The following VPS41 variants were observed in gnomAD, a reference collection of about 807,000 sequenced individuals.
VPS41 encodes the protein VPS41 subunit of HOPS complex, also known as vacuolar protein sorting-associated protein 41 homolog.
In VPS41, 85 loss-of-function variants were observed where a neutral mutation model predicts 130.9. The ratio of observed to expected loss-of-function variants is 0.65; its 90% CI spans 0.55 to 0.78. The LOEUF (loss-of-function observed/expected upper bound fraction) is 0.78, where lower values mean the gene tolerates loss of function less well. Among genes scored for constraint, VPS41 ranks in the 30% least tolerant of loss-of-function variants. The pLI, the probability that VPS41 is intolerant of heterozygous loss-of-function variation, is 0.00. For synonymous variants in VPS41, 335 were observed against 332.9 expected (o/e 1.01, Z -0.07); for missense variants, 874 against 1,018.7 (o/e 0.86, Z 1.93).
At chr7:38,737,354 G>A (rs1341543150) in intron 25 of VPS41, among the ~76,000 whole-genome samples, 3 of 152,072 alleles carry the variant, frequency 2.0e-5, no homozygotes, top group South Asian at 2.1e-4. Flanking sequence ...CCTGGCGACA[G>A]AGCAAGACTC....
intron 9 of VPS41, among the ~76,000 whole-genome samples, chr7:38,790,203 C>T (rs1174526796): frequency 1.3e-5 from 2 of 152,048 alleles, no homozygotes; most frequent in African/African-American, 2.4e-5. Flanking sequence ...ATAGCTGCTA[C>T]CATTAACTGT....
At chr7:38,734,498 C>T (rs1049381207) in intron 25 of VPS41, among the ~76,000 whole-genome samples, 1 of 152,180 alleles carries the variant, frequency 6.6e-6, no homozygotes, top group Non-Finnish European at 1.5e-5. Flanking sequence ...ATTTACAACA[C>T]GACTGTTGAA....
chr7:38,744,045 G>A (rs960500962), intron 23 of VPS41, among the ~76,000 whole-genome samples: 1 of 152,120 alleles, frequency 6.6e-6, no homozygotes, highest in Non-Finnish European at 1.5e-5. Context: ...CTGCTTTTCT[G>A]ATACACTTTG....
chr7:38,844,970 C>T (rs760602615), intron 4 of VPS41, among the ~76,000 whole-genome samples: 8 of 152,164 alleles, frequency 5.3e-5, no homozygotes, highest in Admixed American at 6.5e-5. Flanking sequence ...GGCAGGGGCA[C>T]GGAACGGCCT....
At chr7:38,754,807 C>A in intron 20 of VPS41, 55 bp from the exon 21 acceptor site, 1 of 1,590,102 alleles carries the variant, frequency 6.3e-7, no homozygotes. Context: ...AAGACAGCTA[C>A]AAAATTATCT....
chr7:38,789,017 A>G lies in VPS41; in HGVS notation c.784+784T>C, dbSNP rs543399000. Among the ~76,000 whole-genome samples, 19 of 152,328 alleles carry G rather than the reference A, an allele frequency of 1.2e-4. No individual in the cohort carries two copies. In the South Asian group the frequency reaches 3.9e-3, roughly 32 times the overall value. On this transcript the variant is annotated intron_variant, in intron 10 of 28. Transcript: ENST00000310301. ...AAATGAACTTTTCAGCTGACTCATA[A>G]TATGGCAATTTTTTTTCTCAGATTA...
intron 2 of VPS41, among the ~76,000 whole-genome samples, chr7:38,881,208 G>C (rs929098410): frequency 6.6e-6 from 1 of 152,318 alleles, no homozygotes; most frequent in Middle Eastern, 3.4e-3. Flanking sequence ...CCTGGAAGCT[G>C]GGGGGAGAAT....
chr7:38,748,773 C>A (rs1796037448), intron 22 of VPS41, among the ~76,000 whole-genome samples: 1 of 151,892 alleles, frequency 6.6e-6, no homozygotes, highest in African/African-American at 2.4e-5. Context: ...ACTTTTTAAA[C>A]CTGAAAATGA....
intron 10 of VPS41, 36 bp from the exon 11 acceptor site, chr7:38,776,812 A>G: frequency 8.4e-7 from 1 of 1,188,144 alleles, no homozygotes; most frequent in Non-Finnish European, 1.3e-6. Context: ...CATCATCAAC[A>G]GGGGCAAACA....
chr7:38,728,958 G>T (rs1795604001), intron 25 of VPS41, among the ~76,000 whole-genome samples, 167 bp from the exon 26 acceptor site: 1 of 152,130 alleles, frequency 6.6e-6, no homozygotes, highest in African/African-American at 2.4e-5. Flanking sequence ...ACCACTGCCA[G>T]GCTGACCTGG....
rs539981539 is a variant in VPS41, at chr7:38,909,164, G to A, written c.11C>T (p.Ala4Val). The part of the protein sequence containing the change: MAE[A>V]EEQETGSLEE... The stretch of plus-strand genomic sequence containing the variant: ...ACCTGCACCCTTTACCTGCTCCTCT[G>A]CTTCCGCCATGGCGCCACGGGAGAG... Residue 4 changes from alanine to valine, a missense_variant, in exon 1 of 29, where the codon GCA becomes GTA. Physicochemically the swap from Ala to Val is moderately conservative, Grantham distance 64. Transcript: ENST00000310301. The A allele has an allele frequency of 6.2e-7, 1 of 1,614,128 alleles. No homozygotes were observed. The highest frequency in any genetic ancestry group is 1.3e-5 in the African/African-American group (1 of 74,998).
At chr7:38,746,427 A>G (rs1795986070) in intron 22 of VPS41, among the ~76,000 whole-genome samples, 1 of 152,148 alleles carries the variant, frequency 6.6e-6, no homozygotes, top group East Asian at 1.9e-4. Context: ...AGAGGAAAAC[A>G]AAGAAGAGAA....
chr7:38,892,989 T>C lies in VPS41; in HGVS notation c.60+5102A>G, dbSNP rs143799664. ...AGGCCTCTACACTCCTCCTATCTCT[T>C]ATGGGGACTTCCATGAGAACCACGC... On this transcript the variant is annotated intron_variant, in intron 2 of 28. Coordinates refer to ENST00000310301, the MANE Select transcript of VPS41 (RefSeq NM_014396.4). 5.1e-3 allele frequency among the ~76,000 whole-genome samples: 778 copies of C among 152,258 alleles called. 6 individuals are homozygous for C. The highest frequency in any genetic ancestry group is 0.017 in the African/African-American group (700 of 41,550).
intron 2 of VPS41, among the ~76,000 whole-genome samples, chr7:38,870,586 C>T (rs1394883010): frequency 1.8e-4 from 28 of 151,636 alleles, no homozygotes; most frequent in Admixed American, 1.8e-3. Context: ...TTTTCATGTA[C>T]AGTACTAAGG....
At chr7:38,825,855 T>G (rs1405891541) in intron 5 of VPS41, among the ~76,000 whole-genome samples, 1 of 152,132 alleles carries the variant, frequency 6.6e-6, no homozygotes, top group East Asian at 1.9e-4. Context: ...AGCATGAAAC[T>G]CTATGTATTT....
intron 21 of VPS41, among the ~76,000 whole-genome samples, chr7:38,753,691 A>C (rs747539999): frequency 3.3e-5 from 5 of 152,238 alleles, no homozygotes; most frequent in Non-Finnish European, 7.3e-5. Context: ...TGGCTTAAGT[A>C]AGTCAGAAAT....
At chr7:38,795,999 A>T (rs1160312211) in intron 8 of VPS41, among the ~76,000 whole-genome samples, 1 of 152,238 alleles carries the variant, frequency 6.6e-6, no homozygotes, top group Non-Finnish European at 1.5e-5. Flanking sequence ...CTATATAAAG[A>T]AAACTACATC....
chr7:38,822,954 G>C (rs1785205733), intron 5 of VPS41, among the ~76,000 whole-genome samples: 1 of 152,212 alleles, frequency 6.6e-6, no homozygotes, highest in Admixed American at 6.5e-5. Flanking sequence ...ACATTGGAAT[G>C]TGTTCACTGT....
At chr7:38,755,981 G>A (rs1273336138) in intron 19 of VPS41, among the ~76,000 whole-genome samples, 1 of 152,076 alleles carries the variant, frequency 6.6e-6, no homozygotes, top group Non-Finnish European at 1.5e-5. Flanking sequence ...AAGCATCTTT[G>A]AGAAAAAGAC....
Sources: gnomAD v4.1 joint callset for allele counts (sites outside exome capture counted in the v4.1 genomes callset) on GRCh38, gnomAD v4.1.1 for gene constraint, MANE v1.5 for transcripts, NCBI Gene and HGNC (gene_info 2026-07-23, HGNC 2026-07-21) for gene names.